The following PKHD1 variants were observed in gnomAD, a reference collection of about 807,000 sequenced individuals.
The protein encoded by PKHD1 is fibrocystin.
In PKHD1, 291 loss-of-function variants were observed where a neutral mutation model predicts 412.0. The observed-to-expected ratio is 0.71, with a 90% CI of 0.64 to 0.78. PKHD1 has a LOEUF of 0.78. Among genes scored for constraint, PKHD1 ranks in the 30% least tolerant of loss-of-function variants. The pLI is 0.00. For synonymous variants in PKHD1, 1,777 were observed against 1,821.5 expected (o/e 0.98, Z 0.62); for missense variants, 4,825 against 4,950.7 (o/e 0.97, Z 0.76).
At chr6:51,700,889 A>C (rs1279475265) in intron 60 of PKHD1, among the ~76,000 whole-genome samples, 2 of 152,152 alleles carry the variant, frequency 1.3e-5, no homozygotes, top group Non-Finnish European at 2.9e-5. Flanking sequence ...GAACATAATC[A>C]GTCCACCCTA....
At chr6:51,940,055 G>A (rs1354812622) in intron 36 of PKHD1, among the ~76,000 whole-genome samples, 1 of 151,548 alleles carries the variant, frequency 6.6e-6, no homozygotes, top group Non-Finnish European at 1.5e-5. Context: ...AAATCAGTTA[G>A]CATTTAGGCT....
intron 52 of PKHD1, among the ~76,000 whole-genome samples, chr6:51,826,092 A>G (rs201380379): frequency 0.054 from 8,169 of 152,186 alleles, 225 homozygotes; most frequent in South Asian, 0.072. Context: ...ATTTCATAGA[A>G]TTCCTCCCCT....
chr6:52,069,946 G>T (rs553192643), intron 10 of PKHD1, among the ~76,000 whole-genome samples: 38 of 152,220 alleles, frequency 2.5e-4, no homozygotes, highest in African/African-American at 7.0e-4. Flanking sequence ...GCTTTTAACA[G>T]AAACACCTGT....
chr6:51,824,034 A>C (rs1766917115), intron 52 of PKHD1, among the ~76,000 whole-genome samples: 1 of 152,280 alleles, frequency 6.6e-6, no homozygotes, highest in Admixed American at 6.5e-5. Context: ...AATTTCACTC[A>C]GCTTTGGTAT....
intron 52 of PKHD1, among the ~76,000 whole-genome samples, chr6:51,797,296 C>G (rs1467215116): frequency 6.6e-6 from 1 of 152,138 alleles, no homozygotes; most frequent in Non-Finnish European, 1.5e-5. Flanking sequence ...GTGGAGAGGT[C>G]TATAGATATC....
intron 35 of PKHD1, among the ~76,000 whole-genome samples, chr6:51,968,501 T>A (rs1231730064): frequency 6.6e-6 from 1 of 152,212 alleles, no homozygotes; most frequent in Non-Finnish European, 1.5e-5. Flanking sequence ...ATTCCTTACA[T>A]TTTGATCAGA....
Position 51,748,252 on chromosome 6 carries a change from C to A in PKHD1, c.9364G>T (p.Val3122Leu). 1 of 1,614,086 alleles carries A rather than the reference C, an allele frequency of 6.2e-7. No individual in the cohort carries two copies. Among genetic ancestry groups the A allele is most frequent in the Non-Finnish European group, 8.5e-7 (1 of 1,179,974 alleles). Residue 3122 changes from valine to leucine, a missense_variant, in exon 58 of 67, where the codon GTG (valine) becomes TTG (leucine). Coordinates refer to ENST00000371117, the MANE Select transcript of PKHD1 (RefSeq NM_138694.4). ...SSCELLWSDN[V>L]AHSSLHGLHL... is the part of the protein sequence containing the mutation. ...AGGCCATGAAGACTTGAATGCGCCA[C>A]ATTGTCAGACCAAAGCAGTTCACAA... is the stretch of plus-strand genomic sequence containing the variant.
chr6:51,649,697 A>G lies in PKHD1; in HGVS notation c.11175-477T>C, dbSNP rs1353176108. 4.6e-5 allele frequency among the ~76,000 whole-genome samples: 7 copies of G among 152,274 alleles called. No homozygotes were observed. The South Asian group carries it at 1.2e-3, about 27-fold the overall frequency. ...TAGCTAATTCTGAGATGACAAGATAATATCACTGAGCAGAGCTGGGAAGAG... is the reference window on the plus strand; with the variant it reads ...TAGCTAATTCTGAGATGACAAGATAGTATCACTGAGCAGAGCTGGGAAGAG... On this transcript the variant is annotated intron_variant, in intron 61 of 66. Coordinates refer to ENST00000371117, the MANE Select transcript of PKHD1 (RefSeq NM_138694.4).
intron 63 of PKHD1, among the ~76,000 whole-genome samples, chr6:51,642,812 C>A (rs984545774): frequency 6.6e-6 from 1 of 152,058 alleles, no homozygotes; most frequent in Non-Finnish European, 1.5e-5. Context: ...TGCATTCCAG[C>A]CTGGGTAACA....
At chr6:51,765,084 AC>A (rs1372806633) in intron 55 of PKHD1, among the ~76,000 whole-genome samples, 1 of 151,516 alleles carries the variant, frequency 6.6e-6, no homozygotes, top group African/African-American at 2.4e-5. Context: ...ACCCTGACAA[AC>A]CTATTCCCCT....
chr6:51,746,300 A>G (rs899800062), intron 59 of PKHD1, among the ~76,000 whole-genome samples: 1 of 152,216 alleles, frequency 6.6e-6, no homozygotes, highest in Non-Finnish European at 1.5e-5. Context: ...TCTGAAGACC[A>G]CTGACACTTT....
At chr6:51,764,420 G>A (rs1788602411) in intron 55 of PKHD1, among the ~76,000 whole-genome samples, 1 of 146,402 alleles carries the variant, frequency 6.8e-6, no homozygotes, top group Admixed American at 7.0e-5. Flanking sequence ...AACAACAGGT[G>A]CTGGAGAGGA....
intron 11 of PKHD1, among the ~76,000 whole-genome samples, chr6:52,068,938 T>C (rs981381039): frequency 4.6e-5 from 7 of 152,242 alleles, no homozygotes; most frequent in African/African-American, 1.7e-4. Flanking sequence ...TATTCCATTC[T>C]AGAATCTAAG....
intron 51 of PKHD1, 55 bp downstream of exon 51, chr6:51,836,349 T>C: frequency 4.4e-6 from 5 of 1,143,148 alleles, no homozygotes; most frequent in East Asian, 2.3e-5. Context: ...TTTGTAGAAC[T>C]ACTGGAGGAC....
chr6:51,883,279 G>A (rs112954221), intron 45 of PKHD1, 52 bp from the exon 46 acceptor site: 87 of 1,510,418 alleles, frequency 5.8e-5, no homozygotes, highest in Middle Eastern at 2.0e-4. Context: ...TTTTTCTTGC[G>A]GACTTCCTGT....
At chr6:51,700,887 T>A (rs1234503514) in intron 60 of PKHD1, among the ~76,000 whole-genome samples, 1 of 152,118 alleles carries the variant, frequency 6.6e-6, no homozygotes, top group Admixed American at 6.6e-5. Flanking sequence ...CTGAACATAA[T>A]CAGTCCACCC....
intron 35 of PKHD1, among the ~76,000 whole-genome samples, chr6:51,960,546 A>G (rs1157198559): frequency 1.3e-5 from 2 of 152,162 alleles, no homozygotes; most frequent in Non-Finnish European, 2.9e-5. Flanking sequence ...CTCTACTGCC[A>G]AGAGTCCCTG....
intron 52 of PKHD1, among the ~76,000 whole-genome samples, chr6:51,826,834 G>A (rs6917984): frequency 0.61 from 92,014 of 151,854 alleles, 28,988 homozygotes; most frequent in African/African-American, 0.76. Flanking sequence ...AGATAGTGAT[G>A]TCTTTTATTA....
intron 48 of PKHD1, among the ~76,000 whole-genome samples, chr6:51,863,367 A>C (rs1562488236): frequency 1.3e-5 from 2 of 152,234 alleles, no homozygotes; most frequent in Admixed American, 1.3e-4. Flanking sequence ...ACAGTCAAAA[A>C]TTCGAAGACA....
Sources: gnomAD v4.1 joint callset for allele counts (sites outside exome capture counted in the v4.1 genomes callset) on GRCh38, gnomAD v4.1.1 for gene constraint, MANE v1.5 for transcripts, NCBI Gene and HGNC (gene_info 2026-07-23, HGNC 2026-07-21) for gene names.